The following UNC5C variants were observed in gnomAD, a reference collection of about 807,000 sequenced individuals.
UNC5C encodes unc-5 netrin receptor C.
UNC5C carries 47 observed loss-of-function variants against 99.8 expected under a neutral mutation model. The observed-to-expected ratio is 0.47, with a 90% confidence interval of 0.37 to 0.60. The LOEUF is 0.60. UNC5C is among the 20% of genes least tolerant of loss of function. UNC5C has a pLI of 0.00. For missense variants in UNC5C, 1,062 were observed against 1,165.9 expected (o/e 0.91, Z 1.30); for synonymous variants, 487 against 452.2 (o/e 1.08, Z -0.98).
intron 7 of UNC5C, among the ~76,000 whole-genome samples, chr4:95,228,623 C>T (rs894139402): frequency 2.0e-5 from 3 of 152,214 alleles, no homozygotes; most frequent in African/African-American, 7.2e-5. Flanking sequence ...CCTCAGGCTA[C>T]ACCTCCACCG....
chr4:95,515,974 T>C (rs1722207726), intron 1 of UNC5C, among the ~76,000 whole-genome samples: 1 of 152,208 alleles, frequency 6.6e-6, no homozygotes, highest in Non-Finnish European at 1.5e-5. Context: ...TATGTGCATG[T>C]ATGTATGAAT....
At chr4:95,311,378 C>T (rs1311529033) in intron 2 of UNC5C, among the ~76,000 whole-genome samples, 1 of 152,144 alleles carries the variant, frequency 6.6e-6, no homozygotes, top group African/African-American at 2.4e-5. Flanking sequence ...TTAGCAAATG[C>T]AACATTCTTC....
chr4:95,269,004 G>T (rs1740559234), intron 4 of UNC5C, among the ~76,000 whole-genome samples: 1 of 152,190 alleles, frequency 6.6e-6, no homozygotes, highest in Non-Finnish European at 1.5e-5. Flanking sequence ...AGGAGCATTA[G>T]CTAGTAGCTG....
At chr4:95,319,194 T>G (rs2220105) in intron 2 of UNC5C, among the ~76,000 whole-genome samples, 31,749 of 152,186 alleles carry the variant, frequency 0.21, 4,168 homozygotes, top group Middle Eastern at 0.35. Flanking sequence ...CTAGAGAGCT[T>G]AAAACAAACA....
At chr4:95,503,018 T>C (rs1721817185) in intron 1 of UNC5C, among the ~76,000 whole-genome samples, 1 of 152,184 alleles carries the variant, frequency 6.6e-6, no homozygotes, top group African/African-American at 2.4e-5. Context: ...CTTAACTTCC[T>C]ATTCAGTGAA....
chr4:95,513,037 G>A (rs778929311), intron 1 of UNC5C, among the ~76,000 whole-genome samples: 2 of 152,176 alleles, frequency 1.3e-5, no homozygotes, highest in African/African-American at 2.4e-5. Flanking sequence ...GTAGCAGTTA[G>A]CATCACAACC....
chr4:95,414,576 T>C (rs1746104339), intron 1 of UNC5C, among the ~76,000 whole-genome samples: 1 of 152,232 alleles, frequency 6.6e-6, no homozygotes, highest in African/African-American at 2.4e-5. Flanking sequence ...GTATTTAACA[T>C]GAACACAGAG....
At chr4:95,426,688 G>A (rs1302140775) in intron 1 of UNC5C, among the ~76,000 whole-genome samples, 1 of 152,166 alleles carries the variant, frequency 6.6e-6, no homozygotes, top group Non-Finnish European at 1.5e-5. Flanking sequence ...TACACAGAAC[G>A]TTTTAGTGGT....
chr4:95,215,901 A>G (rs912986601), intron 10 of UNC5C: 2 of 384,964 alleles, frequency 5.2e-6, no homozygotes, highest in Non-Finnish European at 4.7e-6. Flanking sequence ...CACTTGGGAA[A>G]AGATCTCTAG....
chr4:95,475,654 C>G (rs934660939), intron 1 of UNC5C, among the ~76,000 whole-genome samples: 1 of 152,010 alleles, frequency 6.6e-6, no homozygotes, highest in Non-Finnish European at 1.5e-5. Context: ...AAGTCCATTG[C>G]CCCTTTAAAC....
intron 1 of UNC5C, among the ~76,000 whole-genome samples, chr4:95,394,751 C>T (rs192179633): frequency 6.6e-6 from 1 of 150,386 alleles, no homozygotes; most frequent in Non-Finnish European, 1.5e-5. Flanking sequence ...AGAAAGTATG[C>T]TTTGCTGCAA....
chr4:95,519,865 T>C (rs894123146), intron 1 of UNC5C, among the ~76,000 whole-genome samples: 7 of 152,220 alleles, frequency 4.6e-5, no homozygotes, highest in African/African-American at 4.8e-5. Context: ...GCATCTTTAA[T>C]AGAGATGATT....
chr4:95,356,895 T>G (rs1744225116), intron 1 of UNC5C, among the ~76,000 whole-genome samples: 2 of 152,110 alleles, frequency 1.3e-5, no homozygotes, highest in Admixed American at 1.3e-4. Context: ...AACTGTCTCG[T>G]TTTATATAAG....
At chr4:95,299,626 C>T (rs550070777) in intron 3 of UNC5C, among the ~76,000 whole-genome samples, 8 of 152,168 alleles carry the variant, frequency 5.3e-5, no homozygotes, top group South Asian at 2.1e-4. Flanking sequence ...CACAGGGCTG[C>T]GGAGGCCTCA....
intron 1 of UNC5C, among the ~76,000 whole-genome samples, chr4:95,426,594 A>G (rs900434623): frequency 6.6e-6 from 1 of 152,230 alleles, no homozygotes; most frequent in African/African-American, 2.4e-5. Flanking sequence ...TTGTGAATGC[A>G]AAAGAAAACT....
At chr4:95,306,858 A>G (rs1017618498) in intron 2 of UNC5C, among the ~76,000 whole-genome samples, 1 of 152,236 alleles carries the variant, frequency 6.6e-6, no homozygotes, top group Admixed American at 6.5e-5. Flanking sequence ...TAAGAAATAT[A>G]CAAAGCTGCA....
At chr4:95,503,613 G>T (rs1215757502) in intron 1 of UNC5C, among the ~76,000 whole-genome samples, 2 of 152,046 alleles carry the variant, frequency 1.3e-5, no homozygotes, top group Non-Finnish European at 1.5e-5. Flanking sequence ...CCTTCTGAAA[G>T]AATAGATGTC....
intron 1 of UNC5C, among the ~76,000 whole-genome samples, chr4:95,504,137 G>T (rs1721849196): frequency 6.6e-6 from 1 of 152,022 alleles, no homozygotes; most frequent in African/African-American, 2.4e-5. Context: ...AAGTCCCACC[G>T]ACATTTTCTA....
rs1723156505 is a variant in UNC5C at position 95,548,955 on chromosome 4, A to C, written c.-98T>G. 1 of 1,478,462 alleles carries C rather than the reference A, an allele frequency of 6.8e-7. No homozygotes were observed. Among genetic ancestry groups the C allele is most frequent in the African/African-American group, 1.4e-5 (1 of 72,186 alleles). The allele number at this position is 1,478,462 out of a possible 1,614,324, so 91.6% of individuals were successfully genotyped here. A position where few individuals can be genotyped will look rare whatever the true frequency, so the allele number is the denominator to read the frequency against. ...CAGAAGCTGAATCCGTGCACCGCGA[A>C]GCAGTCCGAAGAAATAACGACAACC... On this transcript the variant is annotated 5_prime_UTR_variant, in exon 1 of 16. Transcript: ENST00000453304.
Sources: allele counts gnomAD v4.1 joint callset (sites outside exome capture counted in the v4.1 genomes callset), GRCh38; gene constraint gnomAD v4.1.1; transcripts MANE v1.5; gene names NCBI Gene and HGNC (gene_info 2026-07-23, HGNC 2026-07-21).